Variants in ZNF827 observed in about 807,000 individuals in gnomAD.
ZNF827 encodes the protein zinc finger protein 827.
ZNF827 carries 13 observed loss-of-function variants against 102.4 expected under a neutral mutation model. The observed-to-expected ratio is 0.13, with a 90% CI of 0.08 to 0.20. The LOEUF (loss-of-function observed/expected upper bound fraction) is 0.20. Among genes scored for constraint, ZNF827 ranks in the 10% least tolerant of loss-of-function variants. The pLI is 1.00. For synonymous variants in ZNF827, 523 were observed against 536.2 expected (o/e 0.98, Z 0.34); for missense variants, 1,103 against 1,344.4 (o/e 0.82, Z 2.81).
intron 4 of ZNF827, among the ~76,000 whole-genome samples, chr4:145,882,368 C>T (rs532051374): frequency 3.7e-4 from 57 of 152,326 alleles, no homozygotes; most frequent in Non-Finnish European, 7.8e-4. Flanking sequence ...AACTGCGATG[C>T]CGGGCCTGGA....
At chr4:145,841,836 G>C (rs1285878863) in intron 7 of ZNF827, among the ~76,000 whole-genome samples, 1 of 152,054 alleles carries the variant, frequency 6.6e-6, no homozygotes, top group Admixed American at 6.5e-5. Context: ...CTGGCTACAC[G>C]GTGTGCCTTG....
chr4:145,876,323 G>A (rs972591959), intron 4 of ZNF827, among the ~76,000 whole-genome samples: 4 of 152,134 alleles, frequency 2.6e-5, no homozygotes, highest in East Asian at 1.9e-4. Flanking sequence ...GCATCTCTAC[G>A]CACTAGTAGC....
intron 6 of ZNF827, 146 bp from the exon 7 acceptor site, chr4:145,846,159 C>T: frequency 1.3e-6 from 1 of 758,498 alleles, no homozygotes; most frequent in Non-Finnish European, 2.2e-6. Context: ...CCAGATCCTC[C>T]CCATCTTACT....
At chr4:145,903,311 C>T (rs567638104) in intron 1 of ZNF827, 96 bp from the exon 2 acceptor site, 5 of 1,473,660 alleles carry the variant, frequency 3.4e-6, no homozygotes, top group East Asian at 4.6e-5. Context: ...TTTCTCTTCC[C>T]TTCCACCCAA....
At chr4:145,932,665 G>A (rs1753898485) in intron 1 of ZNF827, among the ~76,000 whole-genome samples, 1 of 152,056 alleles carries the variant, frequency 6.6e-6, no homozygotes, top group Admixed American at 6.6e-5. Flanking sequence ...TAGTAGAGAC[G>A]GGGTTTCACC....
chr4:145,803,994 T>C (rs1741167817), intron 8 of ZNF827, among the ~76,000 whole-genome samples: 1 of 152,230 alleles, frequency 6.6e-6, no homozygotes. Context: ...CATTGCCAGA[T>C]AGCAATCTGT....
chr4:145,800,563 C>T (rs547743394), intron 8 of ZNF827, among the ~76,000 whole-genome samples: 1 of 152,292 alleles, frequency 6.6e-6, no homozygotes, highest in Non-Finnish European at 1.5e-5. Flanking sequence ...GTGTGAGCCA[C>T]TGCACCCAGC....
intron 5 of ZNF827, among the ~76,000 whole-genome samples, chr4:145,859,786 C>T (rs575511820): frequency 6.6e-6 from 1 of 152,272 alleles, no homozygotes; most frequent in South Asian, 2.1e-4. Flanking sequence ...TAGCGAGACC[C>T]TAGTCACTGA....
rs1287207299 is a variant in ZNF827, at chr4:145,761,693, C to G, written c.*18-95G>C. On this transcript the variant is annotated intron_variant, in intron 14 of 14. Coordinates refer to ENST00000508784, the MANE Select transcript of ZNF827 (RefSeq NM_001306215.2). The surrounding 1 kb of genome is among the most constrained non-coding windows in gnomAD (Gnocchi z 6.8). ...TCACCAGCCTTCCCTCACACCACCC[C>G]CCAGTGTCTGAGGCCTGGCCTGCCC... 8.9e-6 allele frequency: 7 copies of G among 787,632 alleles called. 1 individual carries two copies. The highest frequency in any genetic ancestry group is 6.7e-5 in the South Asian group (4 of 59,446). The allele number at this position is 787,632 out of a possible 1,614,324, so 48.8% of individuals were successfully genotyped here.
At chr4:145,827,366 A>G (rs1743792983) in intron 7 of ZNF827, among the ~76,000 whole-genome samples, 2 of 152,360 alleles carry the variant, frequency 1.3e-5, no homozygotes, top group South Asian at 4.1e-4. Flanking sequence ...TACTGAAGGA[A>G]GCTGAAAGAC....
intron 1 of ZNF827, among the ~76,000 whole-genome samples, chr4:145,937,165 T>G (rs1579614903): frequency 7.1e-5 from 10 of 140,744 alleles, no homozygotes; most frequent in African/African-American, 1.6e-4. Context: ...GGAGAGGGAG[T>G]GGGGGAAAAG....
intron 7 of ZNF827, among the ~76,000 whole-genome samples, chr4:145,838,980 A>T (rs188608938): frequency 6.0e-4 from 91 of 152,328 alleles, no homozygotes; most frequent in Admixed American, 2.2e-3. Context: ...CTACATCTCA[A>T]TTATGACCCT....
chr4:145,798,684 CAAT>C (rs1328894266), intron 8 of ZNF827, among the ~76,000 whole-genome samples: 1 of 151,914 alleles, frequency 6.6e-6, no homozygotes, highest in East Asian at 1.9e-4. Flanking sequence ...ATAATAACAA[CAAT>C]AATAATAATT....
At chr4:145,922,119 C>T (rs1182715281) in intron 1 of ZNF827, among the ~76,000 whole-genome samples, 1 of 152,132 alleles carries the variant, frequency 6.6e-6, no homozygotes, top group African/African-American at 2.4e-5. Context: ...GATTCTTTGC[C>T]TTTTGGGGTC....
chr4:145,928,879 A>G (rs1753615334), intron 1 of ZNF827, among the ~76,000 whole-genome samples: 1 of 152,160 alleles, frequency 6.6e-6, no homozygotes, highest in Non-Finnish European at 1.5e-5. Context: ...ATGGTGGCCG[A>G]GTGGCAGGAA....
chr4:145,930,945 G>C, intron 1 of ZNF827, among the ~76,000 whole-genome samples: 1 of 152,288 alleles, frequency 6.6e-6, no homozygotes, highest in Middle Eastern at 3.4e-3. Flanking sequence ...TCAAGCCAAA[G>C]TCTGATTTTA....
At chr4:145,816,458 A>C (rs1742604841) in intron 8 of ZNF827, among the ~76,000 whole-genome samples, 1 of 152,220 alleles carries the variant, frequency 6.6e-6, no homozygotes, top group Non-Finnish European at 1.5e-5. Flanking sequence ...TGAACCTATA[A>C]ATGCTGGTCT....
At chr4:145,798,383 T>C (rs2127092898) in intron 8 of ZNF827, among the ~76,000 whole-genome samples, 1 of 152,248 alleles carries the variant, frequency 6.6e-6, no homozygotes, top group South Asian at 2.1e-4. Context: ...AAAGATGTTC[T>C]GGCTGGGCAC....
intron 8 of ZNF827, among the ~76,000 whole-genome samples, chr4:145,820,900 T>C (rs1163447777): frequency 6.6e-6 from 1 of 152,252 alleles, no homozygotes. Context: ...ATGACTCTTA[T>C]ACTCCAGAAC....
Sources: gnomAD v4.1 joint callset for allele counts (sites outside exome capture counted in the v4.1 genomes callset) on GRCh38, gnomAD v4.1.1 for gene constraint, Gnocchi (gnomAD v3.1) non-coding constraint, MANE v1.5 for transcripts, NCBI Gene and HGNC (gene_info 2026-07-23, HGNC 2026-07-21) for gene names.